TTC21A: variants seen among roughly 807,000 people sequenced by gnomAD.
The protein encoded by TTC21A is tetratricopeptide repeat domain 21A.
TTC21A carries 128 observed loss-of-function variants against 156.4 expected under a neutral mutation model. The ratio of observed to expected loss-of-function variants is 0.82; its 90% CI spans 0.71 to 0.95. The LOEUF (loss-of-function observed/expected upper bound fraction) is 0.95, where lower values mean the gene tolerates loss of function less well. TTC21A is among the 40% of genes least tolerant of loss of function. The pLI is 0.00. For missense variants in TTC21A, 1,435 were observed against 1,602.3 expected (o/e 0.90, Z 1.78); for synonymous variants, 587 against 617.1 (o/e 0.95, Z 0.72).
At chr3:39,112,638 G>C (rs188876995) in intron 5 of TTC21A, 58 bp downstream of exon 5, 10 of 1,598,210 alleles carry the variant, frequency 6.3e-6, no homozygotes, top group African/African-American at 2.7e-5. Flanking sequence ...TGGAACCAGA[G>C]ACCCACCAGG....
At chr3:39,136,715 A>G (rs950520078) in intron 23 of TTC21A, 184 bp from the exon 24 acceptor site, 1 of 981,536 alleles carries the variant, frequency 1.0e-6, no homozygotes, top group East Asian at 2.6e-5. Context: ...GGTGAGGGCC[A>G]CTTGGGCAGG....
At chr3:39,114,355 C>T (rs1442719132) in intron 5 of TTC21A, among the ~76,000 whole-genome samples, 16 of 152,188 alleles carry the variant, frequency 1.1e-4, no homozygotes, top group Admixed American at 9.8e-4. Flanking sequence ...AGCTATCTCC[C>T]CAAAGCCCCT....
chr3:39,118,561 T>C (rs2037483637), intron 7 of TTC21A: 1 of 191,042 alleles, frequency 5.2e-6, no homozygotes, highest in Non-Finnish European at 1.1e-5. Context: ...ATAGTAGAAG[T>C]CGTGGTAGTA....
intron 1 of TTC21A, 43 bp from the exon 2 acceptor site, chr3:39,109,040 CAG>C (rs1559661763): frequency 6.3e-7 from 1 of 1,598,954 alleles, no homozygotes; most frequent in East Asian, 2.2e-5. Flanking sequence ...AGAACAGAGA[CAG>C]AGAAGGGACT....
intron 26 of TTC21A, 58 bp from the exon 27 acceptor site, chr3:39,138,209 C>T (rs774718990): frequency 6.2e-7 from 1 of 1,609,476 alleles, no homozygotes; most frequent in Non-Finnish European, 8.5e-7. Flanking sequence ...CCCACCCTGG[C>T]CCAGGGAACC....
intron 7 of TTC21A, chr3:39,119,047 G>A (rs2037522498): frequency 6.6e-6 from 1 of 152,192 alleles, no homozygotes; most frequent in Non-Finnish European, 1.5e-5. Context: ...TCCCTAAGCA[G>A]GCCTTCCTGG....
At chr3:39,136,790 A>C in intron 23 of TTC21A, 109 bp from the exon 24 acceptor site, 2 of 1,394,262 alleles carry the variant, frequency 1.4e-6, no homozygotes, top group Non-Finnish European at 2.0e-6. Flanking sequence ...CTGGGAAACC[A>C]GAGATCCAGC....
At chr3:39,118,185 T>C in intron 7 of TTC21A, 32 bp downstream of exon 7, 1 of 1,608,112 alleles carries the variant, frequency 6.2e-7, no homozygotes, top group African/African-American at 1.3e-5. Flanking sequence ...AAGGTGATCC[T>C]TGAAACAGAA....
At chr3:39,135,199 TG>T in intron 22 of TTC21A, 25 bp downstream of exon 22, 1 of 1,601,410 alleles carries the variant, frequency 6.2e-7, no homozygotes, top group South Asian at 1.1e-5. Flanking sequence ...GGAGACTGCC[TG>T]TACCAGTTCC....
intron 3 of TTC21A, among the ~76,000 whole-genome samples, chr3:39,110,574 G>A (rs1237405508): frequency 1.3e-5 from 2 of 152,076 alleles, no homozygotes; most frequent in Non-Finnish European, 2.9e-5. Context: ...TTTTGGTTTG[G>A]CCTGCCTGCT....
At chr3:39,128,034 C>T (rs1448633294) in intron 12 of TTC21A, among the ~76,000 whole-genome samples, 1 of 152,142 alleles carries the variant, frequency 6.6e-6, no homozygotes, top group African/African-American at 2.4e-5. Flanking sequence ...TAATGTGTTC[C>T]CCTGAGCTTC....
chr3:39,115,415 C>G (rs147036098), intron 6 of TTC21A, among the ~76,000 whole-genome samples: 1 of 152,080 alleles, frequency 6.6e-6, no homozygotes, highest in African/African-American at 2.4e-5. Flanking sequence ...AATCCCAACA[C>G]TTTGGGAGGC....
In TTC21A at chr3:39,119,718, G is replaced by T. The variant is rs2037596220; in HGVS notation, c.802-204G>T. 1.5e-5 allele frequency: 7 copies of T among 475,812 alleles called. No individual in the cohort carries two copies. In the South Asian group the frequency reaches 2.7e-4, roughly 18 times the overall value. 29.5% of individuals were successfully genotyped at this position (475,812 alleles called of 1,614,324 possible). A position where few individuals can be genotyped will look rare whatever the true frequency, so the allele number is the denominator to read the frequency against. ...AGCTCTGGGTGAATAATGTCCCCAGGAGTTCCACTTATAGGCCTTTGAAGT... is the reference window on the plus strand; with the variant it reads ...AGCTCTGGGTGAATAATGTCCCCAGTAGTTCCACTTATAGGCCTTTGAAGT... On this transcript the variant is annotated intron_variant, in intron 7 of 28. Transcript: ENST00000683103.
chr3:39,112,531 T>C lies in TTC21A; in HGVS notation c.509T>C (p.Leu170Pro), dbSNP rs2036921911. 1.2e-6 allele frequency: 2 copies of C among 1,613,970 alleles called. No homozygotes were observed. Among genetic ancestry groups the C allele is most frequent in the South Asian group, 1.1e-5 (1 of 91,074 alleles). The change falls in exon 5 of 29, where the codon CTG (leucine) becomes CCG (proline). Residue 170 changes from leucine to proline, a missense_variant. Physicochemically the swap from Leu to Pro is moderately conservative, Grantham distance 98. Transcript: ENST00000683103. Reference protein sequence around the residue: ...PHTAKKAIEYLEQGIQDTKDV... With the variant: ...PHTAKKAIEYPEQGIQDTKDV... Reference sequence around the variant, plus strand: ...ACTGCGAAGAAAGCCATTGAGTACCTGGAACAAGGAATTCAGGACACCAAA... The same window carrying C: ...ACTGCGAAGAAAGCCATTGAGTACCCGGAACAAGGAATTCAGGACACCAAA...
At chr3:39,132,792 T>C (rs1403085833) in intron 19 of TTC21A, 1 of 533,184 alleles carries the variant, frequency 1.9e-6, no homozygotes, top group East Asian at 3.3e-5. Context: ...CAAGGTGTGA[T>C]GGAAGCAGGT....
intron 6 of TTC21A, among the ~76,000 whole-genome samples, chr3:39,115,791 C>T (rs1223958040): frequency 2.0e-5 from 3 of 152,106 alleles, no homozygotes; most frequent in Non-Finnish European, 2.9e-5. Context: ...TGAGTTATCA[C>T]TATGACTTGT....
At chr3:39,108,002 T>TC in intron 1 of TTC21A, 138 bp downstream of exon 1, 3 of 1,044,744 alleles carry the variant, frequency 2.9e-6, no homozygotes, top group Non-Finnish European at 4.2e-6. Flanking sequence ...CTTGCCCCAC[T>TC]CCCCCTGGCA....
intron 12 of TTC21A, 126 bp downstream of exon 12, chr3:39,126,516 ACACACTCT>A: frequency 8.5e-6 from 8 of 943,762 alleles, no homozygotes; most frequent in South Asian, 1.6e-5. Context: ...ACACACACAC[ACACACTCT>A]CCTTGCCTGG....
intron 9 of TTC21A, among the ~76,000 whole-genome samples, chr3:39,121,973 C>A (rs1212475114): frequency 1.6e-4 from 25 of 152,184 alleles, no homozygotes; most frequent in Non-Finnish European, 5.9e-5. Flanking sequence ...TCCATGCTTT[C>A]CCTCTGTCCC....
Sources: gnomAD v4.1 joint callset for allele counts (sites outside exome capture counted in the v4.1 genomes callset) on GRCh38, gnomAD v4.1.1 for gene constraint, MANE v1.5 for transcripts, NCBI Gene and HGNC (gene_info 2026-07-23, HGNC 2026-07-21) for gene names.